The following SFMBT2 variants were observed in gnomAD, a reference collection of about 807,000 sequenced individuals.
The protein encoded by SFMBT2 is Scm like with four mbt domains 2.
Under a neutral mutation model 110.1 loss-of-function variants are expected in SFMBT2, and 38 were observed. The observed-to-expected ratio is 0.35, with a 90% CI of 0.27 to 0.45. SFMBT2 has a LOEUF of 0.45. Ranked by LOEUF, SFMBT2 falls within the 20% of genes least tolerant of loss-of-function variation. The pLI is 1.00. For synonymous variants in SFMBT2, 425 were observed against 425.4 expected (o/e 1.00, Z 0.01); for missense variants, 1,011 against 1,094.9 (o/e 0.92, Z 1.08).
At chr10:7,265,857 G>A (rs934835476) in intron 7 of SFMBT2, among the ~76,000 whole-genome samples, 9 of 152,134 alleles carry the variant, frequency 5.9e-5, no homozygotes, top group Admixed American at 5.9e-4. Flanking sequence ...TGGGTACTGC[G>A]GAAGGCACTG....
At chr10:7,215,846 G>A (rs1322389306) in intron 11 of SFMBT2, 2 of 477,320 alleles carry the variant, frequency 4.2e-6, no homozygotes, top group Non-Finnish European at 5.5e-6. Flanking sequence ...AACTCGCTAG[G>A]CGGTATAGAC....
intron 4 of SFMBT2, among the ~76,000 whole-genome samples, chr10:7,291,163 G>A (rs1222892207): frequency 2.0e-5 from 3 of 152,222 alleles, no homozygotes; most frequent in African/African-American, 7.2e-5. Flanking sequence ...AGACAGGTCT[G>A]CTGAGACCAG....
intron 4 of SFMBT2, among the ~76,000 whole-genome samples, chr10:7,297,248 C>T (rs2131872137): frequency 6.6e-6 from 1 of 152,320 alleles, no homozygotes; most frequent in Non-Finnish European, 1.5e-5. Context: ...TGGCCTTGCA[C>T]TCACTGAGAA....
At chr10:7,229,724 G>GTTGTT (rs1266491391) in intron 9 of SFMBT2, among the ~76,000 whole-genome samples, 2,209 of 127,436 alleles carry the variant, frequency 0.017, 52 homozygotes, top group African/African-American at 0.06. Flanking sequence ...TTTTGTTGTT[G>GTTGTT]TTGTTTTTTT....
rs1200731519 is a variant in SFMBT2 at position 7,223,693 on chromosome 10, TG to T, written c.1204-3157del. ...TTTTTTATAGTTTCTACTTCTTCTC[TG>T]GGACTTCCTATCTTTTCATTCATTA... On this transcript the variant is annotated intron_variant, in intron 10 of 20. Coordinates refer to ENST00000397167, the MANE Select transcript of SFMBT2 (RefSeq NM_001387889.1). Among the ~76,000 whole-genome samples the T allele has an allele frequency of 2.0e-5, 3 of 152,246 alleles. No homozygotes were observed. In the East Asian group the frequency reaches 5.8e-4, roughly 29 times the overall value.
chr10:7,165,035 C>T (rs184979647), intron 20 of SFMBT2, among the ~76,000 whole-genome samples: 10 of 152,154 alleles, frequency 6.6e-5, no homozygotes, highest in African/African-American at 1.7e-4. Flanking sequence ...CTGGTTCATT[C>T]ACATAGATGT....
intron 6 of SFMBT2, among the ~76,000 whole-genome samples, chr10:7,281,456 G>A (rs192592768): frequency 6.6e-6 from 1 of 152,208 alleles, no homozygotes; most frequent in African/African-American, 2.4e-5. Context: ...ATAGTGTTTG[G>A]GAAAACGAGA....
intron 4 of SFMBT2, among the ~76,000 whole-genome samples, chr10:7,289,413 T>C (rs1039186941): frequency 4.6e-5 from 7 of 152,222 alleles, no homozygotes; most frequent in Non-Finnish European, 8.8e-5. Flanking sequence ...TGCACAATGC[T>C]GAAATTTAAA....
chr10:7,409,328 GCA>G (rs1345726149), intron 1 of SFMBT2: 1 of 152,190 alleles, frequency 6.6e-6, no homozygotes, highest in Non-Finnish European at 1.5e-5. Flanking sequence ...GCAGGATCCA[GCA>G]CACACAAGGC....
chr10:7,255,534 AT>A (rs1402934806), intron 7 of SFMBT2, among the ~76,000 whole-genome samples: 1 of 152,140 alleles, frequency 6.6e-6, no homozygotes, highest in Admixed American at 6.5e-5. Context: ...ACCCATTTTT[AT>A]TTTTGCCCTA....
At chr10:7,330,160 C>T (rs564858787) in intron 4 of SFMBT2, among the ~76,000 whole-genome samples, 4 of 152,096 alleles carry the variant, frequency 2.6e-5, no homozygotes, top group Non-Finnish European at 5.9e-5. Flanking sequence ...TTTATTATCC[C>T]CCTTACAACT....
At chr10:7,320,237 C>T (rs866184112) in intron 4 of SFMBT2, among the ~76,000 whole-genome samples, 53 of 152,202 alleles carry the variant, frequency 3.5e-4, no homozygotes, top group African/African-American at 9.7e-4. Flanking sequence ...TCAAACGAGA[C>T]GCCTGAGTGT....
chr10:7,266,895 G>A (rs770575317), intron 7 of SFMBT2, among the ~76,000 whole-genome samples: 2 of 152,156 alleles, frequency 1.3e-5, no homozygotes, highest in Non-Finnish European at 1.5e-5. Flanking sequence ...CCTAGGCTGT[G>A]GTCCTCACAG....
intron 4 of SFMBT2, among the ~76,000 whole-genome samples, chr10:7,315,111 AAAGCAAGC>A (rs138965461): frequency 7.7e-6 from 1 of 130,424 alleles, no homozygotes; most frequent in African/African-American, 2.7e-5. Flanking sequence ...AAAGAAAGAA[AAAGCAAGC>A]AAGCAAGCCA....
Position 7,275,905 on chromosome 10 carries a change from C to T in SFMBT2, c.870+987G>A, listed in dbSNP as rs930885308. Among the ~76,000 whole-genome samples, 9 of 152,216 alleles carry T rather than the reference C, an allele frequency of 5.9e-5. No homozygotes were observed. In the South Asian group the frequency reaches 6.2e-4, roughly 11 times the overall value. ...GTACATCTTCTACATGAAACTTGTA[C>T]GACTCTGCAGACACGTGCCACCCCA... On this transcript the variant is annotated intron_variant, in intron 7 of 20. Coordinates refer to ENST00000397167, the MANE Select transcript of SFMBT2 (RefSeq NM_001387889.1).
chr10:7,231,964 C>CA (rs1468103602), intron 9 of SFMBT2, among the ~76,000 whole-genome samples: 2 of 152,056 alleles, frequency 1.3e-5, no homozygotes, highest in Non-Finnish European at 2.9e-5. Context: ...CAGAACAAGA[C>CA]GTACTAAGGC....
At position 7,216,511 on chromosome 10, in the gene SFMBT2, T is replaced by C. The variant is rs570768237; in HGVS notation, c.1330+3900A>G. 2.6e-5 allele frequency among the ~76,000 whole-genome samples: 4 copies of C among 152,306 alleles called. No individual in the cohort carries two copies. In the East Asian group the frequency reaches 7.7e-4, roughly 29 times the overall value. ...TGGAACTGTGAGTCCATTAAACCTA[T>C]TTTTCTCATCAGTCTTGAGTATGTC... On this transcript the variant is annotated intron_variant, in intron 11 of 20. Coordinates refer to ENST00000397167, the MANE Select transcript of SFMBT2 (RefSeq NM_001387889.1).
At chr10:7,203,219 T>C (rs1003654473) in intron 12 of SFMBT2, 1 of 686,010 alleles carries the variant, frequency 1.5e-6, no homozygotes, top group Non-Finnish European at 1.8e-6. Flanking sequence ...AGGTTTGGAG[T>C]TGGAGTTTGC....
Position 7,283,950 on chromosome 10 carries a change from T to G in SFMBT2, c.726A>C (p.Pro242=), listed in dbSNP as rs774158950. The part of the protein sequence containing the change: ...WLFYLDYRLR[P]VGWCQENKYR... ...ATTTATTCTCTTGACACCAACCAAC[T>G]GGTCGAAGTCTGTAATCCAAGTAAA... Residue 242 remains proline, a synonymous_variant, in exon 6 of 21, where the codon CCA becomes CCC. Transcript: ENST00000397167. The G allele has an allele frequency of 1.2e-5, 19 of 1,607,342 alleles. No individual in the cohort carries two copies. The highest frequency in any genetic ancestry group is 1.5e-5 in the Non-Finnish European group (18 of 1,173,752).
Sources: gnomAD v4.1 joint callset for allele counts (sites outside exome capture counted in the v4.1 genomes callset) on GRCh38, gnomAD v4.1.1 for gene constraint, MANE v1.5 for transcripts, NCBI Gene and HGNC (gene_info 2026-07-23, HGNC 2026-07-21) for gene names.